The following DMXL2 variants were observed in gnomAD, a reference collection of about 807,000 sequenced individuals.
DMXL2 encodes the protein dmX-like protein 2.
In DMXL2, 103 loss-of-function variants were observed where a neutral mutation model predicts 331.1. That is an observed-to-expected ratio of 0.31 (90% CI 0.27 to 0.37). The LOEUF (loss-of-function observed/expected upper bound fraction) is 0.37, where lower values mean the gene tolerates loss of function less well. Ranked by LOEUF, DMXL2 falls within the 10% of genes least tolerant of loss-of-function variation. DMXL2 has a pLI of 1.00. For missense variants in DMXL2, 3,171 were observed against 3,642.9 expected (o/e 0.87, Z 3.33); for synonymous variants, 1,281 against 1,252.1 (o/e 1.02, Z -0.49).
chr15:51,450,036 TA>T (rs1359768577), intron 43 of DMXL2, 92 bp downstream of exon 43: 1 of 1,203,642 alleles, frequency 8.3e-7, no homozygotes, highest in African/African-American at 1.5e-5. Context: ...CCAAGTGAAA[TA>T]AAGTGAAGCT....
intron 2 of DMXL2, 31 bp from the exon 3 acceptor site, chr15:51,568,589 T>C: frequency 3.7e-6 from 5 of 1,367,408 alleles, no homozygotes; most frequent in Non-Finnish European, 5.1e-6. Context: ...CATTAATATC[T>C]AGAAAAGGGT....
At chr15:51,553,136 C>T (rs2049324885) in intron 6 of DMXL2, among the ~76,000 whole-genome samples, 1 of 152,194 alleles carries the variant, frequency 6.6e-6, no homozygotes, top group South Asian at 2.1e-4. Context: ...ATTTTCTGGA[C>T]AGCACTTGTT....
At chr15:51,491,425 G>A (rs2042789339) in intron 20 of DMXL2, among the ~76,000 whole-genome samples, 153 bp downstream of exon 20, 1 of 151,560 alleles carries the variant, frequency 6.6e-6, no homozygotes. Flanking sequence ...TAGGCGACAA[G>A]AGCGAAATTC....
intron 13 of DMXL2, among the ~76,000 whole-genome samples, chr15:51,518,118 G>A (rs1296667315): frequency 1.3e-5 from 2 of 152,204 alleles, no homozygotes; most frequent in African/African-American, 4.8e-5. Flanking sequence ...GATCTCCTGA[G>A]GTTAGGAGTT....
chr15:51,475,952 G>GA (rs2041546037), intron 27 of DMXL2, among the ~76,000 whole-genome samples: 1 of 152,290 alleles, frequency 6.6e-6, no homozygotes, highest in East Asian at 1.9e-4. Flanking sequence ...AACATTTGGG[G>GA]AATCTGGGTG....
chr15:51,506,574 CT>C (rs1453018581), intron 16 of DMXL2, among the ~76,000 whole-genome samples: 1 of 151,854 alleles, frequency 6.6e-6, no homozygotes, highest in Non-Finnish European at 1.5e-5. Context: ...CTGCCTCAGC[CT>C]CCTGAGTAGC....
chr15:51,547,320 T>C lies in DMXL2; in HGVS notation c.656A>G (p.Gln219Arg). Residue 219 changes from glutamine to arginine, a missense_variant, in exon 7 of 44, where the codon CAG becomes CGG. Around this residue, in one of 7 missense-constraint regions of DMXL2, gnomAD observed 1,674 missense variants for 1,780.2 expected, o/e 0.94. Transcript: ENST00000560891. ...PQDHHEVKRRQSSTQFSFVYL... is the reference protein window; with the variant it reads ...PQDHHEVKRRRSSTQFSFVYL... Reference sequence around the variant, plus strand: ...AACAAAAGAAAATTGAGTAGAGGACTGTCTCCTTTTTACTTCATGATGATC... The same window carrying C: ...AACAAAAGAAAATTGAGTAGAGGACCGTCTCCTTTTTACTTCATGATGATC... The C allele has an allele frequency of 6.2e-7, 1 of 1,613,176 alleles. No individual in the cohort carries two copies. The highest frequency in any genetic ancestry group is 8.5e-7 in the Non-Finnish European group (1 of 1,179,388).
chr15:51,480,394 A>G, intron 24 of DMXL2, 148 bp downstream of exon 24: 1 of 1,017,988 alleles, frequency 9.8e-7, no homozygotes, highest in Non-Finnish European at 1.3e-6. Flanking sequence ...AGACACATAG[A>G]GTATAAATAT....
intron 7 of DMXL2, 133 bp downstream of exon 7, chr15:51,547,097 A>T: frequency 1.3e-6 from 1 of 760,544 alleles, no homozygotes; most frequent in East Asian, 3.0e-5. Context: ...TAATAGTAGG[A>T]TTTGATTTCA....
In DMXL2 at chr15:51,453,040, G is replaced by C. The variant is rs1409501029; in HGVS notation, c.8696+510C>G. Among the ~76,000 whole-genome samples, 9 of 152,224 alleles carry C rather than the reference G, an allele frequency of 5.9e-5. No individual in the cohort carries two copies. The South Asian group carries it at 1.2e-3, about 21-fold the overall frequency. On this transcript the variant is annotated intron_variant, in intron 41 of 43. Transcript: ENST00000560891. Reference sequence around the variant, plus strand: ...CTTGTAAGTGGGAGCTAAGCTATGAGGATGCAAAGGATCAGAATGATATAT... The same window carrying C: ...CTTGTAAGTGGGAGCTAAGCTATGACGATGCAAAGGATCAGAATGATATAT...
chr15:51,566,255 G>GTGTGTGTGTGTGTGTGTGTGTT (rs1356104282), intron 3 of DMXL2, among the ~76,000 whole-genome samples: 1 of 103,510 alleles, frequency 9.7e-6, no homozygotes, highest in African/African-American at 2.8e-5. Flanking sequence ...GTGTGTGTGT[G>GTGTGTGTGTGTGTGTGTGTGTT]TGTGTGTGTG....
intron 23 of DMXL2, 47 bp downstream of exon 23, chr15:51,486,026 T>C: frequency 6.6e-7 from 1 of 1,513,534 alleles, no homozygotes; most frequent in South Asian, 1.3e-5. Context: ...TCAGAAAGTA[T>C]CTCTTCCTTT....
chr15:51,534,947 T>G (rs2048203531), intron 13 of DMXL2, among the ~76,000 whole-genome samples: 1 of 152,070 alleles, frequency 6.6e-6, no homozygotes, highest in Admixed American at 6.6e-5. Context: ...ACCCTTAGAC[T>G]CCTCTTCTTA....
At chr15:51,454,756 A>G (rs1438673190) in intron 40 of DMXL2, among the ~76,000 whole-genome samples, 1 of 152,058 alleles carries the variant, frequency 6.6e-6, no homozygotes, top group Non-Finnish European at 1.5e-5. Context: ...CGGCCTCCCA[A>G]AGTGCTGGGA....
intron 37 of DMXL2, 177 bp downstream of exon 37, chr15:51,457,151 G>A (rs370732800): frequency 1.2e-5 from 8 of 682,396 alleles, no homozygotes; most frequent in African/African-American, 5.5e-5. Flanking sequence ...CAGCCTGCGC[G>A]ACAGAGCCAG....
rs2141168936 is a variant in DMXL2, at chr15:51,448,436, T to C, written c.*548A>G. On this transcript the variant is annotated 3_prime_UTR_variant, in exon 44 of 44. Coordinates refer to ENST00000560891, the MANE Select transcript of DMXL2 (RefSeq NM_001378457.1). ...TACAGTACTAGCTCAGTATAAACAC[T>C]AACAGGAAAAATATTCAGCAGGAAA... The C allele has an allele frequency of 6.2e-6, 1 of 160,280 alleles. No homozygotes were observed. The highest frequency in any genetic ancestry group is 1.4e-5 in the Non-Finnish European group (1 of 71,778). 9.9% of individuals were successfully genotyped at this position (160,280 alleles called of 1,614,324 possible). A position where few individuals can be genotyped will look rare whatever the true frequency, so the allele number is the denominator to read the frequency against.
chr15:51,486,212 C>A lies in DMXL2; in HGVS notation c.5343G>T (p.Lys1781Asn). 6.2e-7 allele frequency: 1 copy of A among 1,614,032 alleles called. No individual in the cohort carries two copies. Among genetic ancestry groups the A allele is most frequent in the South Asian group, 1.1e-5 (1 of 91,078 alleles). The stretch of plus-strand genomic sequence containing the variant: ...TTTTGCAACTGAATCCTGAGCCATC[C>A]TTTTGGCAACCCAAAATCTTCTGAT... The part of the protein sequence containing the change: ...ILNQKILGCQ[K>N]DGSGFSCKRL... The change falls in exon 23 of 44, where the codon AAG (lysine) becomes AAT (asparagine). Residue 1781 changes from lysine to asparagine, a missense_variant. Physicochemically the swap from Lys to Asn is moderately conservative, Grantham distance 94. Coordinates refer to ENST00000560891, the MANE Select transcript of DMXL2 (RefSeq NM_001378457.1).
chr15:51,462,875 CCT>C (rs1272982619), intron 33 of DMXL2, among the ~76,000 whole-genome samples: 1 of 152,160 alleles, frequency 6.6e-6, no homozygotes, highest in Admixed American at 6.5e-5. Flanking sequence ...CAATGCAGAA[CCT>C]CTGTCTTGCT....
intron 23 of DMXL2, among the ~76,000 whole-genome samples, chr15:51,482,353 A>G (rs1229978366): frequency 6.6e-6 from 1 of 152,198 alleles, no homozygotes; most frequent in Non-Finnish European, 1.5e-5. Flanking sequence ...ATATGCACAT[A>G]GATAGCAAAT....
Sources: gnomAD v4.1 joint callset for allele counts (sites outside exome capture counted in the v4.1 genomes callset) on GRCh38, gnomAD v4.1.1 for gene constraint, gnomAD v4.1.1 regional missense constraint, MANE v1.5 for transcripts, NCBI Gene and HGNC (gene_info 2026-07-23, HGNC 2026-07-21) for gene names.